The following ANKS1B variants were observed in gnomAD, a reference collection of about 807,000 sequenced individuals.
ANKS1B encodes ankyrin repeat and sterile alpha motif domain containing 1B.
A neutral mutation model predicts 148.3 loss-of-function variants in ANKS1B; 36 were observed. The observed-to-expected ratio is 0.24, with a 90% CI of 0.19 to 0.32. The LOEUF is 0.32. Among genes scored for constraint, ANKS1B ranks in the 10% least tolerant of loss-of-function variants. The pLI is 1.00. For synonymous variants in ANKS1B, 542 were observed against 560.8 expected, an observed-to-expected ratio of 0.97 and a Z score of 0.47; for missense variants, 1,157 against 1,542.6, an observed-to-expected ratio of 0.75 and a Z score of 4.19.
intron 26 of ANKS1B, among the ~76,000 whole-genome samples, chr12:98,749,078 T>TG (rs2097991531): frequency 6.6e-6 from 1 of 151,978 alleles, no homozygotes; most frequent in Non-Finnish European, 1.5e-5. Flanking sequence ...ACAACACAGG[T>TG]GGGGTCCCTG....
intron 17 of ANKS1B, among the ~76,000 whole-genome samples, chr12:98,995,664 T>C (rs2099929092): frequency 6.6e-6 from 1 of 152,106 alleles, no homozygotes; most frequent in Non-Finnish European, 1.5e-5. Flanking sequence ...AAAAAATGTA[T>C]CTAAATATGT....
chr12:99,796,307 T>C (rs545717700), intron 4 of ANKS1B, among the ~76,000 whole-genome samples: 4 of 152,036 alleles, frequency 2.6e-5, no homozygotes, highest in Non-Finnish European at 5.9e-5. Context: ...TTATAAGTTG[T>C]TTATTTCTAT....
At chr12:99,885,158 C>T (rs1224795016) in intron 1 of ANKS1B, among the ~76,000 whole-genome samples, 1 of 151,986 alleles carries the variant, frequency 6.6e-6, no homozygotes, top group East Asian at 1.9e-4. Context: ...CCTCTCTTCC[C>T]TACTTTGCTT....
intron 11 of ANKS1B, among the ~76,000 whole-genome samples, chr12:99,424,621 A>AC (rs1491470254): frequency 0.013 from 1,822 of 135,964 alleles, 33 homozygotes; most frequent in Non-Finnish European, 0.019. Context: ...CAGGTAGCAG[A>AC]AACACACACA....
At chr12:99,244,714 A>T (rs1265562640) in intron 13 of ANKS1B, among the ~76,000 whole-genome samples, 1 of 152,184 alleles carries the variant, frequency 6.6e-6, no homozygotes, top group Admixed American at 6.5e-5. Flanking sequence ...GTATTCTTCA[A>T]ACTCAGAAGG....
chr12:99,693,657 T>C (rs1302647303), intron 8 of ANKS1B, among the ~76,000 whole-genome samples: 8 of 152,128 alleles, frequency 5.3e-5, no homozygotes, highest in Non-Finnish European at 8.8e-5. Context: ...ATCATATACA[T>C]GATGGCAAAA....
chr12:98,774,165 G>A (rs113123558), intron 24 of ANKS1B, among the ~76,000 whole-genome samples: 1,606 of 152,314 alleles, frequency 0.011, 26 homozygotes, highest in African/African-American at 0.037. Flanking sequence ...ATAATTAGGA[G>A]GTGGTGCTGT....
intron 12 of ANKS1B, among the ~76,000 whole-genome samples, chr12:99,272,291 A>G (rs1399166117): frequency 6.6e-6 from 1 of 152,162 alleles, no homozygotes; most frequent in African/African-American, 2.4e-5. Flanking sequence ...TAATAGATTA[A>G]GGCCATGTGA....
intron 14 of ANKS1B, among the ~76,000 whole-genome samples, chr12:99,232,773 G>C (rs1310285063): frequency 6.6e-6 from 1 of 152,122 alleles, no homozygotes; most frequent in East Asian, 1.9e-4. Context: ...ACAATCCTCA[G>C]TGATCAAAAG....
chr12:98,858,617 G>A (rs1230019869), intron 17 of ANKS1B, among the ~76,000 whole-genome samples: 1 of 152,196 alleles, frequency 6.6e-6, no homozygotes, highest in African/African-American at 2.4e-5. Context: ...TGGGACTACA[G>A]GAGTGAGCCA....
intron 16 of ANKS1B, among the ~76,000 whole-genome samples, chr12:99,055,730 G>C (rs944544179): frequency 8.2e-6 from 1 of 121,708 alleles, no homozygotes; most frequent in African/African-American, 3.0e-5. Flanking sequence ...TTGGGGGGGG[G>C]GGAGGTGGTG....
At chr12:99,309,801 TA>T (rs1292673120) in intron 12 of ANKS1B, among the ~76,000 whole-genome samples, 1 of 152,122 alleles carries the variant, frequency 6.6e-6, no homozygotes, top group African/African-American at 2.4e-5. Context: ...TACAGAATTT[TA>T]AATAAGCCTA....
chr12:99,111,075 A>G (rs2060191641), intron 15 of ANKS1B, among the ~76,000 whole-genome samples: 1 of 152,186 alleles, frequency 6.6e-6, no homozygotes. Context: ...CAGGACAATA[A>G]CCATGGCTTA....
chr12:99,241,608 T>C (rs2089341052), intron 14 of ANKS1B, among the ~76,000 whole-genome samples: 1 of 152,194 alleles, frequency 6.6e-6, no homozygotes, highest in Non-Finnish European at 1.5e-5. Flanking sequence ...AAGAGAATTT[T>C]ATGCCAATAT....
At chr12:99,662,885 G>A (rs1427656215) in intron 8 of ANKS1B, among the ~76,000 whole-genome samples, 3 of 151,886 alleles carry the variant, frequency 2.0e-5, no homozygotes, top group Non-Finnish European at 4.4e-5. Flanking sequence ...AATTCTTGGT[G>A]TCTATTTTTG....
intron 20 of ANKS1B, among the ~76,000 whole-genome samples, chr12:98,803,740 G>A (rs759886495): frequency 2.2e-4 from 33 of 152,110 alleles, no homozygotes; most frequent in Admixed American, 1.3e-4. Flanking sequence ...GGGAAGCTAG[G>A]GTTATGAAAA....
At chr12:99,104,531 T>G (rs1027079877) in intron 15 of ANKS1B, 3 of 152,190 alleles carry the variant, frequency 2.0e-5, no homozygotes, top group Non-Finnish European at 4.4e-5. Context: ...AGGTCTCAAG[T>G]TTTGATCATC....
intron 12 of ANKS1B, among the ~76,000 whole-genome samples, chr12:99,329,737 G>A (rs1305739570): frequency 6.6e-6 from 1 of 151,666 alleles, no homozygotes; most frequent in Non-Finnish European, 1.5e-5. Flanking sequence ...CATGTTCATT[G>A]CAAATGCCAC....
intron 8 of ANKS1B, among the ~76,000 whole-genome samples, chr12:99,715,491 T>C (rs1195125262): frequency 6.6e-6 from 1 of 152,178 alleles, no homozygotes; most frequent in Non-Finnish European, 1.5e-5. Flanking sequence ...CTCCCTTCGC[T>C]GACTCTTTTC....
Sources: gnomAD v4.1 joint callset for allele counts (sites outside exome capture counted in the v4.1 genomes callset) on GRCh38, gnomAD v4.1.1 for gene constraint, MANE v1.5 for transcripts, NCBI Gene and HGNC (gene_info 2026-07-23, HGNC 2026-07-21) for gene names.